The following CDH18 variants were observed in gnomAD, a reference collection of about 807,000 sequenced individuals.
CDH18 encodes cadherin 18.
A neutral mutation model predicts 67.9 loss-of-function variants in CDH18; 31 were observed. That is an observed-to-expected ratio of 0.46 (90% confidence interval 0.34 to 0.62). CDH18 has a LOEUF of 0.62. Among genes scored for constraint, CDH18 ranks in the 20% least tolerant of loss-of-function variants. CDH18 has a pLI of 0.01. For synonymous variants in CDH18, 362 were observed against 347.2 expected (o/e 1.04, Z -0.48); for missense variants, 890 against 975.5 (o/e 0.91, Z 1.17).
chr5:19,564,930 A>C (rs1740096727), intron 8 of CDH18, among the ~76,000 whole-genome samples: 1 of 152,168 alleles, frequency 6.6e-6, no homozygotes, highest in South Asian at 2.1e-4. Flanking sequence ...CAGGCAGTAC[A>C]TACCACATGG....
At chr5:19,579,969 GCTAA>G (rs1742973668) in intron 7 of CDH18, among the ~76,000 whole-genome samples, 1 of 151,604 alleles carries the variant, frequency 6.6e-6, no homozygotes, top group African/African-American at 2.4e-5. Context: ...AATTAAAGGT[GCTAA>G]CTAATATTTA....
intron 2 of CDH18, among the ~76,000 whole-genome samples, chr5:20,141,097 C>A (rs1750205334): frequency 1.3e-5 from 2 of 152,102 alleles, no homozygotes; most frequent in South Asian, 4.1e-4. Flanking sequence ...GGAAGAAATT[C>A]TGATTTGCCT....
At chr5:20,152,760 T>C (rs967487708) in intron 2 of CDH18, among the ~76,000 whole-genome samples, 1 of 152,052 alleles carries the variant, frequency 6.6e-6, no homozygotes, top group Non-Finnish European at 1.5e-5. Context: ...TCAACTTAGT[T>C]GGAGGATGCC....
chr5:19,667,775 T>C (rs953494897), intron 5 of CDH18, among the ~76,000 whole-genome samples: 1 of 151,832 alleles, frequency 6.6e-6, no homozygotes, highest in Non-Finnish European at 1.5e-5. Flanking sequence ...ATTTTACCAA[T>C]ATATTAAGAT....
chr5:20,213,285 T>G (rs1276114423), intron 2 of CDH18, among the ~76,000 whole-genome samples: 1 of 152,290 alleles, frequency 6.6e-6, no homozygotes, highest in African/African-American at 2.4e-5. Context: ...ATTAGTTTAC[T>G]GTCTTATACG....
At chr5:20,523,603 C>T (rs749408992) in intron 1 of CDH18, among the ~76,000 whole-genome samples, 3 of 152,126 alleles carry the variant, frequency 2.0e-5, no homozygotes, top group Non-Finnish European at 4.4e-5. Context: ...TGCAATGACG[C>T]GATCTCCAGT....
intron 1 of CDH18, among the ~76,000 whole-genome samples, chr5:20,329,550 G>A (rs1026428862): frequency 2.0e-5 from 3 of 152,004 alleles, no homozygotes; most frequent in Admixed American, 6.6e-5. Flanking sequence ...ATCACCTGAG[G>A]TCAGGAGTTC....
Position 19,715,475 on chromosome 5 carries a change from T to C in CDH18, c.643+5872A>G, listed in dbSNP as rs115270767. On this transcript the variant is annotated intron_variant, in intron 5 of 12. Transcript: ENST00000382275. ...ACAGAGCATGGCAGTTTACCTCATCTAGAGACACTATTCTGAGTCAAGACT... is the reference window on the plus strand; with the variant it reads ...ACAGAGCATGGCAGTTTACCTCATCCAGAGACACTATTCTGAGTCAAGACT... Among the ~76,000 whole-genome samples, 1,158 of 152,246 alleles carry C rather than the reference T, an allele frequency of 7.6e-3. 16 individuals are homozygous for C. The highest frequency in any genetic ancestry group is 0.026 in the African/African-American group (1,098 of 41,572).
intron 5 of CDH18, among the ~76,000 whole-genome samples, chr5:19,650,694 G>C (rs1755446261): frequency 6.6e-6 from 1 of 151,850 alleles, no homozygotes; most frequent in African/African-American, 2.4e-5. Context: ...AGATAATAGG[G>C]GTCCTAGTCA....
chr5:20,050,821 T>C (rs549378482), intron 2 of CDH18, among the ~76,000 whole-genome samples: 3 of 151,994 alleles, frequency 2.0e-5, no homozygotes, highest in African/African-American at 4.8e-5. Context: ...TTTTAACCTA[T>C]GAATGTCAGG....
intron 11 of CDH18, among the ~76,000 whole-genome samples, chr5:19,491,947 G>C (rs1012180412): frequency 1.3e-5 from 2 of 151,910 alleles, no homozygotes; most frequent in Non-Finnish European, 2.9e-5. Flanking sequence ...GAAATAATGT[G>C]TTATGTTGAC....
At chr5:19,547,650 T>C (rs1736574686) in intron 8 of CDH18, among the ~76,000 whole-genome samples, 1 of 152,168 alleles carries the variant, frequency 6.6e-6, no homozygotes, top group Non-Finnish European at 1.5e-5. Context: ...TTTTAATTTA[T>C]ATAGTTTTAA....
chr5:19,811,090 GA>G (rs1206208980), intron 3 of CDH18, among the ~76,000 whole-genome samples: 4 of 20,956 alleles, frequency 1.9e-4, no homozygotes, highest in African/African-American at 9.5e-4. Context: ...AAGAAAGAAA[GA>G]AAGAAAGAAA....
At chr5:19,808,832 C>CAAAAAA (rs1173922790) in intron 3 of CDH18, among the ~76,000 whole-genome samples, 6 of 53,914 alleles carry the variant, frequency 1.1e-4, no homozygotes, top group African/African-American at 1.5e-4. Context: ...AACTCTGTCT[C>CAAAAAA]AAAAAAAAAA....
intron 1 of CDH18, among the ~76,000 whole-genome samples, chr5:20,255,902 T>C (rs1180023519): frequency 7.4e-6 from 1 of 135,086 alleles, no homozygotes; most frequent in East Asian, 2.1e-4. Context: ...TAATATTAAA[T>C]GTTTATGTTA....
At chr5:20,376,753 A>C (rs994098784) in intron 1 of CDH18, among the ~76,000 whole-genome samples, 1 of 151,836 alleles carries the variant, frequency 6.6e-6, no homozygotes, top group Non-Finnish European at 1.5e-5. Context: ...GTGGTGGCTC[A>C]CACATGTAAT....
intron 1 of CDH18, among the ~76,000 whole-genome samples, chr5:20,495,926 A>G (rs537877676): frequency 2.6e-5 from 4 of 152,328 alleles, no homozygotes; most frequent in Admixed American, 2.6e-4. Context: ...ATACAACTTG[A>G]CTAAGTCACA....
chr5:20,166,558 A>G (rs993462811), intron 2 of CDH18, among the ~76,000 whole-genome samples: 1 of 152,118 alleles, frequency 6.6e-6, no homozygotes, highest in Admixed American at 6.6e-5. Context: ...AAATATTAGC[A>G]TGAGTAAGAG....
intron 5 of CDH18, among the ~76,000 whole-genome samples, chr5:19,680,103 T>C (rs528784355): frequency 6.6e-6 from 1 of 151,824 alleles, no homozygotes; most frequent in African/African-American, 2.4e-5. Flanking sequence ...CATAGACCAA[T>C]GGAAAAGAAT....
Sources: allele counts gnomAD v4.1 joint callset (sites outside exome capture counted in the v4.1 genomes callset), GRCh38; gene constraint gnomAD v4.1.1; transcripts MANE v1.5; gene names NCBI Gene and HGNC (gene_info 2026-07-23, HGNC 2026-07-21).